The following NFIB variants were observed in gnomAD, a reference collection of about 807,000 sequenced individuals.
NFIB encodes the protein nuclear factor I B.
NFIB carries 11 observed loss-of-function variants against 61.5 expected under a neutral mutation model. That is an observed-to-expected ratio of 0.18 (90% CI 0.11 to 0.30). The LOEUF (loss-of-function observed/expected upper bound fraction) is 0.30. Ranked by LOEUF, NFIB falls within the 10% of genes least tolerant of loss-of-function variation. The pLI is 1.00. For missense variants in NFIB, 471 were observed against 608.9 expected, an observed-to-expected ratio of 0.77 and a Z score of 2.38; for synonymous variants, 260 against 216.5, an observed-to-expected ratio of 1.20 and a Z score of -1.76.
At chr9:14,427,937 G>GTGTT in the NFIB span, among the ~76,000 whole-genome samples, 280 of 43,418 alleles carry the variant, frequency 6.4e-3, 15 homozygotes, top group African/African-American at 0.021. Flanking sequence ...TAATTCAGTT[G>GTGTT]TTTTTTTTTT....
rs1424261622 is a variant in NFIB, at chr9:14,203,544, G to A, written c.563-23764C>T. On this transcript the variant is annotated intron_variant, in intron 2 of 10. Coordinates refer to ENST00000380953, the MANE Select transcript of NFIB (RefSeq NM_001190737.2). The stretch of plus-strand genomic sequence containing the variant: ...TCCACTGCCAAGAGTGTCTTGGCAC[G>A]GAGCGACTGCAGTTTTTGGCAGCCA... 3.3e-5 allele frequency among the ~76,000 whole-genome samples: 5 copies of A among 152,214 alleles called. No homozygotes were observed. In the East Asian group the frequency reaches 9.7e-4, roughly 29 times the overall value.
intron 10 of NFIB, 129 bp from the exon 11 acceptor site, chr9:14,088,455 C>T (rs2033232065): frequency 1.0e-6 from 1 of 998,382 alleles, no homozygotes; most frequent in Non-Finnish European, 1.3e-6. Context: ...TTCAAAATTA[C>T]AGTCTAATAT....
At chr9:14,510,623 C>G in the NFIB span, among the ~76,000 whole-genome samples, 20 of 151,732 alleles carry the variant, frequency 1.3e-4, no homozygotes, top group Non-Finnish European at 2.5e-4. Flanking sequence ...TGTTTTCCTA[C>G]TCATTTAAAA....
At chr9:14,293,881 A>G (rs1000180847) in intron 2 of NFIB, among the ~76,000 whole-genome samples, 1 of 152,212 alleles carries the variant, frequency 6.6e-6, no homozygotes, top group African/African-American at 2.4e-5. Context: ...ACCAAAAAAC[A>G]AAACCTTACT....
the NFIB span, among the ~76,000 whole-genome samples, chr9:14,495,338 C>T: frequency 1.3e-5 from 2 of 152,104 alleles, no homozygotes; most frequent in East Asian, 1.9e-4. Flanking sequence ...AAGCTAATCT[C>T]GCACATTGCA....
chr9:14,321,987 A>G, intron 1 of NFIB: 1 of 1,231,104 alleles, frequency 8.1e-7, no homozygotes, highest in Non-Finnish European at 1.0e-6. Context: ...AGTCTGTAAC[A>G]GAACCCTGGG....
rs7863254 is a variant in NFIB at position 14,125,353 on chromosome 9, C to T, written c.1060+279G>A. Among the ~76,000 whole-genome samples, 31,311 of 151,922 alleles carry T rather than the reference C, an allele frequency of 0.21. 3,789 individuals carry two copies. The highest frequency in any genetic ancestry group is 0.34 in the African/African-American group (14,049 of 41,408). ...TTGTATTTTTAGTAGAGACGGGGTTCCACCATGTTGGTCAGGCTAGTCTTG... is the reference window on the plus strand; with the variant it reads ...TTGTATTTTTAGTAGAGACGGGGTTTCACCATGTTGGTCAGGCTAGTCTTG... On this transcript the variant is annotated intron_variant, in intron 7 of 10. Coordinates refer to ENST00000380953, the MANE Select transcript of NFIB (RefSeq NM_001190737.2).
chr9:14,183,211 G>A (rs945950530), intron 2 of NFIB, among the ~76,000 whole-genome samples: 1 of 151,982 alleles, frequency 6.6e-6, no homozygotes, highest in African/African-American at 2.4e-5. Context: ...CTGTGTAAAT[G>A]CTTTCACCCC....
chr9:14,192,393 G>C (rs1413529510), intron 2 of NFIB, among the ~76,000 whole-genome samples: 1 of 152,090 alleles, frequency 6.6e-6, no homozygotes, highest in African/African-American at 2.4e-5. Flanking sequence ...CCAAACAATT[G>C]CTTTGAATCT....
At chr9:14,378,517 C>T (rs553612244) in intron 1 of NFIB, among the ~76,000 whole-genome samples, 4 of 152,272 alleles carry the variant, frequency 2.6e-5, no homozygotes, top group South Asian at 4.1e-4. Context: ...CCACCACGCC[C>T]AGCTAGTTTT....
chr9:14,447,389 A>C, the NFIB span, among the ~76,000 whole-genome samples: 1 of 152,168 alleles, frequency 6.6e-6, no homozygotes, highest in Non-Finnish European at 1.5e-5. Flanking sequence ...CTTGGAAAGA[A>C]GATGTGTTCT....
At chr9:14,432,137 A>C in the NFIB span, among the ~76,000 whole-genome samples, 1 of 152,316 alleles carries the variant, frequency 6.6e-6, no homozygotes, top group African/African-American at 2.4e-5. Flanking sequence ...CCAGTGATGG[A>C]CACCTGACCA....
chr9:14,126,279 T>C (rs1453967544), intron 6 of NFIB, among the ~76,000 whole-genome samples: 2 of 152,162 alleles, frequency 1.3e-5, no homozygotes, highest in Non-Finnish European at 2.9e-5. Flanking sequence ...GTTTACTGGG[T>C]TTCTGTACTG....
chr9:14,300,597 A>G (rs2059697257), intron 2 of NFIB, among the ~76,000 whole-genome samples: 1 of 152,130 alleles, frequency 6.6e-6, no homozygotes, highest in Non-Finnish European at 1.5e-5. Flanking sequence ...TGCTCTTTGC[A>G]CTCTTTGCAA....
At chr9:14,288,469 CA>C (rs1308919413) in intron 2 of NFIB, among the ~76,000 whole-genome samples, 1 of 152,042 alleles carries the variant, frequency 6.6e-6, no homozygotes, top group Non-Finnish European at 1.5e-5. Flanking sequence ...CCAAAACAAA[CA>C]TTCCCAAAAC....
intron 2 of NFIB, among the ~76,000 whole-genome samples, chr9:14,303,091 C>A (rs1254420511): frequency 6.6e-6 from 1 of 152,162 alleles, no homozygotes; most frequent in African/African-American, 2.4e-5. Context: ...TTAAAGTTTT[C>A]TCTCTCTCTT....
chr9:14,122,905 A>T (rs540402677), intron 7 of NFIB, among the ~76,000 whole-genome samples: 2 of 152,252 alleles, frequency 1.3e-5, no homozygotes, highest in African/African-American at 4.8e-5. Flanking sequence ...TTTCAAACTG[A>T]GAGTAAAAAT....
In NFIB at chr9:14,313,763, C is replaced by A. The variant is rs1395411319; in HGVS notation, c.-252G>T. The A allele has an allele frequency of 3.0e-6, 4 of 1,344,546 alleles. No individual in the cohort carries two copies. Among genetic ancestry groups the A allele is most frequent in the Non-Finnish European group, 3.8e-6 (4 of 1,048,190 alleles). 83.3% of individuals were successfully genotyped at this position (1,344,546 alleles called of 1,614,324 possible). Reference sequence around the variant, plus strand: ...ACTTTTAACCCTCTTGCAGTCCGAGCGCGCTGGCCGTGCTTGCCGAGGCCG... The same window carrying A: ...ACTTTTAACCCTCTTGCAGTCCGAGAGCGCTGGCCGTGCTTGCCGAGGCCG... On this transcript the variant is annotated 5_prime_UTR_variant, in exon 1 of 11. Transcript: ENST00000380953. The surrounding 1 kb of genome is among the most constrained non-coding windows in gnomAD (Gnocchi z 4.5).
chr9:14,341,976 C>T (rs1474380041), intron 1 of NFIB, among the ~76,000 whole-genome samples: 1 of 150,990 alleles, frequency 6.6e-6, no homozygotes, highest in Non-Finnish European at 1.5e-5. Context: ...TTGACAAGGT[C>T]AAAATACCAA....
Sources: allele counts gnomAD v4.1 joint callset (sites outside exome capture counted in the v4.1 genomes callset), GRCh38; gene constraint gnomAD v4.1.1; non-coding constraint Gnocchi (gnomAD v3.1); transcripts MANE v1.5; gene names NCBI Gene and HGNC (gene_info 2026-07-23, HGNC 2026-07-21).